The following ASCC1 variants were observed in gnomAD, a reference collection of about 807,000 sequenced individuals.
ASCC1 encodes activating signal cointegrator 1 complex subunit 1.
In ASCC1, 35 loss-of-function variants were observed where a neutral mutation model predicts 46.6. The observed-to-expected ratio is 0.75, with a 90% CI of 0.57 to 0.99. The LOEUF (loss-of-function observed/expected upper bound fraction) is 0.99. ASCC1 is among the 50% of genes least tolerant of loss of function. The pLI, the probability that ASCC1 is intolerant of heterozygous loss-of-function variation, is 0.00. For synonymous variants in ASCC1, 143 were observed against 146.6 expected (o/e 0.98, Z 0.18); for missense variants, 376 against 428.7 (o/e 0.88, Z 1.09).
Position 72,097,025 on chromosome 10 carries a change from T to G in ASCC1, c.*309A>C. The stretch of plus-strand genomic sequence containing the variant: ...TGAATGTATTAACAGTTAACGTTAC[T>G]GAACTGTGCACTTAAAAATGGTGAA... On this transcript the variant is annotated 3_prime_UTR_variant, in exon 10 of 10. Transcript: ENST00000672957. 2.2e-6 allele frequency: 1 copy of G among 465,092 alleles called. No individual in the cohort carries two copies. Among genetic ancestry groups the G allele is most frequent in the Non-Finnish European group, 4.3e-6 (1 of 234,102 alleles). The allele number at this position is 465,092 out of a possible 1,614,324, so 28.8% of individuals were successfully genotyped here.
chr10:72,181,410 C>A (rs1056101593), intron 5 of ASCC1, among the ~76,000 whole-genome samples: 3 of 151,996 alleles, frequency 2.0e-5, no homozygotes, highest in African/African-American at 7.3e-5. Context: ...GAAGTCTGGT[C>A]TGATGAACTA....
In ASCC1 at chr10:72,204,173, C is replaced by T. The variant is rs562966048; in HGVS notation, c.213-649G>A. On this transcript the variant is annotated intron_variant, in intron 3 of 9. Transcript: ENST00000672957. ...CTAAGGCAGGAGAATCACTTGAACC[C>T]GGGAGGTGGAGGTTGCAGTAAGCTG... 3.9e-5 allele frequency among the ~76,000 whole-genome samples: 6 copies of T among 152,184 alleles called. No homozygotes were observed. In the East Asian group the frequency reaches 9.6e-4, roughly 24 times the overall value.
chr10:72,137,457 G>T (rs757153197), intron 7 of ASCC1, among the ~76,000 whole-genome samples: 6 of 151,038 alleles, frequency 4.0e-5, no homozygotes, highest in Non-Finnish European at 5.9e-5. Context: ...GAACACGTGA[G>T]GCGGAGGTCG....
At chr10:72,197,113 G>A in intron 4 of ASCC1, 124 bp from the exon 5 acceptor site, 1 of 833,646 alleles carries the variant, frequency 1.2e-6, no homozygotes, top group Non-Finnish European at 2.0e-6. Context: ...AATCTAAACA[G>A]GGGACAATAA....
chr10:72,216,720 A>C (rs745617793), upstream of ASCC1: 1 of 423,920 alleles, frequency 2.4e-6, no homozygotes, highest in African/African-American at 2.1e-5. Flanking sequence ...CCTGCCGTAC[A>C]TGAAGTAAAT....
At chr10:72,145,623 A>G (rs1399734920) in intron 7 of ASCC1, among the ~76,000 whole-genome samples, 1 of 152,182 alleles carries the variant, frequency 6.6e-6, no homozygotes, top group Non-Finnish European at 1.5e-5. Flanking sequence ...AGTGTTATTA[A>G]ATCTCTTCCC....
At chr10:72,149,243 C>T (rs1032620562) in intron 7 of ASCC1, among the ~76,000 whole-genome samples, 2 of 151,778 alleles carry the variant, frequency 1.3e-5, no homozygotes, top group African/African-American at 4.8e-5. Flanking sequence ...TCAAGACCAT[C>T]CTGGCTGACA....
At chr10:72,121,693 G>A (rs1844228536) in intron 9 of ASCC1, among the ~76,000 whole-genome samples, 1 of 152,168 alleles carries the variant, frequency 6.6e-6, no homozygotes, top group Non-Finnish European at 1.5e-5. Context: ...AACTGTCCAA[G>A]AAGACCTAAC....
rs530882135 is a variant in ASCC1 at position 72,145,053 on chromosome 10, TCC to T, written c.746+7814_746+7815del. On this transcript the variant is annotated intron_variant, in intron 7 of 9. Transcript: ENST00000672957. ...TTTGTTGTTTAAATATTTTGTTTTT[TCC>T]TGAGTACACAATTCCAGGTTGCCAG... 3.5e-4 allele frequency among the ~76,000 whole-genome samples: 54 copies of T among 152,346 alleles called. 1 individual carries two copies. The East Asian group carries it at 0.01, about 28-fold the overall frequency.
chr10:72,214,016 C>T (rs1476522413), intron 1 of ASCC1, among the ~76,000 whole-genome samples: 1 of 151,068 alleles, frequency 6.6e-6, no homozygotes, highest in African/African-American at 2.4e-5. Context: ...CCAGCCTGGG[C>T]AACAGAGCAC....
chr10:72,215,686 G>GT (rs1859094341), intron 1 of ASCC1: 1 of 152,272 alleles, frequency 6.6e-6, no homozygotes, highest in African/African-American at 2.4e-5. Flanking sequence ...AGAACAGGCA[G>GT]TTGTCGCGGA....
At position 72,131,357 on chromosome 10, in the gene ASCC1, T is replaced by C. The variant is rs190727923; in HGVS notation, c.871+1700A>G. On this transcript the variant is annotated intron_variant, in intron 8 of 9. Transcript: ENST00000672957. ...TTGCTTCAACCTGGGGGGCGGAGGT[T>C]GCAGTGAGCTGAGATGGCGCCACTG... 2.7e-3 allele frequency among the ~76,000 whole-genome samples: 416 copies of C among 151,916 alleles called. 4 individuals carry two copies. The highest frequency in any genetic ancestry group is 0.014 in the East Asian group (70 of 5,168).
chr10:72,128,294 A>G, intron 8 of ASCC1, 127 bp from the exon 9 acceptor site: 1 of 763,154 alleles, frequency 1.3e-6, no homozygotes, highest in Non-Finnish European at 2.3e-6. Flanking sequence ...CATAATGAAG[A>G]GGAAAAATGT....
At chr10:72,164,875 C>T (rs1850149000) in intron 5 of ASCC1, among the ~76,000 whole-genome samples, 5 of 152,290 alleles carry the variant, frequency 3.3e-5, no homozygotes, top group Admixed American at 3.3e-4. Flanking sequence ...CACTAACGAT[C>T]AATGATGATG....
chr10:72,200,659 C>A, intron 4 of ASCC1, among the ~76,000 whole-genome samples: 2 of 133,986 alleles, frequency 1.5e-5, no homozygotes. Flanking sequence ...AGCGAAACTC[C>A]ATCTCAAAAA....
intron 5 of ASCC1, among the ~76,000 whole-genome samples, chr10:72,195,565 T>A (rs1219784434): frequency 6.0e-5 from 9 of 151,202 alleles, no homozygotes; most frequent in African/African-American, 1.9e-4. Flanking sequence ...TTTTATTTAT[T>A]TTTTTTTTGA....
chr10:72,193,667 CA>C (rs1381327464), intron 5 of ASCC1, among the ~76,000 whole-genome samples: 1 of 151,540 alleles, frequency 6.6e-6, no homozygotes, highest in Non-Finnish European at 1.5e-5. Context: ...ATGTATACCC[CA>C]AAAAAGTCCA....
Position 72,191,999 on chromosome 10 carries a change from T to C in ASCC1, c.489+4812A>G, listed in dbSNP as rs530641847. On this transcript the variant is annotated intron_variant, in intron 5 of 9. Coordinates refer to ENST00000672957, the MANE Select transcript of ASCC1 (RefSeq NM_001198800.3). ...AAGAGTACAACCCATAAAAAAAAAA[T>C]AAACTAGACTTTATCAAAATTTAAA... Among the ~76,000 whole-genome samples the C allele has an allele frequency of 3.3e-5, 5 of 151,056 alleles. No individual in the cohort carries two copies. In the South Asian group the frequency reaches 1.0e-3, roughly 32 times the overall value.
chr10:72,140,492 T>C (rs1051762101), intron 7 of ASCC1, among the ~76,000 whole-genome samples: 2 of 152,212 alleles, frequency 1.3e-5, no homozygotes, highest in African/African-American at 4.8e-5. Flanking sequence ...AGCTATTGCT[T>C]AGACTGATGT....
Sources: gnomAD v4.1 joint callset for allele counts (sites outside exome capture counted in the v4.1 genomes callset) on GRCh38, gnomAD v4.1.1 for gene constraint, MANE v1.5 for transcripts, NCBI Gene and HGNC (gene_info 2026-07-23, HGNC 2026-07-21) for gene names.